The following CHRM2 variants were observed in gnomAD, a reference collection of about 807,000 sequenced individuals.
CHRM2 encodes muscarinic acetylcholine receptor M2.
CHRM2 carries 8 observed loss-of-function variants against 25.0 expected under a neutral mutation model. The ratio of observed to expected loss-of-function variants is 0.32; its 90% CI spans 0.19 to 0.58. CHRM2 has a LOEUF of 0.58. Ranked by LOEUF, CHRM2 falls within the 20% of genes least tolerant of loss-of-function variation. CHRM2 has a pLI of 0.88. For synonymous variants in CHRM2, 202 were observed against 205.7 expected (o/e 0.98, Z 0.15); for missense variants, 440 against 567.1 (o/e 0.78, Z 2.28).
intron 2 of CHRM2, among the ~76,000 whole-genome samples, chr7:136,991,577 A>G (rs1289230287): frequency 6.6e-6 from 1 of 152,126 alleles, no homozygotes; most frequent in Non-Finnish European, 1.5e-5. Context: ...GATAGGTACC[A>G]TATTGTTCCA....
intron 2 of CHRM2, among the ~76,000 whole-genome samples, chr7:136,932,351 C>T (rs1799155241): frequency 6.6e-6 from 1 of 152,194 alleles, no homozygotes. Context: ...AATGGCTTCA[C>T]TGGTGAATTC....
chr7:136,872,919 A>T (rs1463317248), intron 2 of CHRM2, among the ~76,000 whole-genome samples: 1 of 152,194 alleles, frequency 6.6e-6, no homozygotes, highest in Non-Finnish European at 1.5e-5. Flanking sequence ...CCTTTCTATT[A>T]TCTTCACAAG....
At chr7:136,940,143 A>G (rs1278203027) in intron 2 of CHRM2, among the ~76,000 whole-genome samples, 2 of 152,256 alleles carry the variant, frequency 1.3e-5, no homozygotes, top group African/African-American at 2.4e-5. Flanking sequence ...GTTAACAAGT[A>G]CATTACCTGC....
rs539286177 is a variant in CHRM2 at position 137,016,472 on chromosome 7, G to A, written c.*206G>A. 24 of 577,828 alleles carry A rather than the reference G, an allele frequency of 4.2e-5. No individual in the cohort carries two copies. The South Asian group carries it at 4.8e-4, about 11-fold the overall frequency. The allele number at this position is 577,828 out of a possible 1,614,324, so 35.8% of individuals were successfully genotyped here. A position where few individuals can be genotyped will look rare whatever the true frequency, so the allele number is the denominator to read the frequency against. On this transcript the variant is annotated 3_prime_UTR_variant, in exon 4 of 4. Transcript: ENST00000680005. ...ACCTTATAAACTGTCAGTATTAGGA[G>A]CAATGAGACAATGAAAGAAACATGT... is the stretch of plus-strand genomic sequence containing the variant.
intron 3 of CHRM2, among the ~76,000 whole-genome samples, chr7:137,014,484 G>A (rs761458054): frequency 2.0e-5 from 3 of 151,942 alleles, no homozygotes; most frequent in Non-Finnish European, 4.4e-5. Flanking sequence ...TTGTAATTTT[G>A]GTTTATTTAA....
chr7:136,944,082 A>C (rs933550363), intron 2 of CHRM2, among the ~76,000 whole-genome samples: 1 of 152,038 alleles, frequency 6.6e-6, no homozygotes, highest in Non-Finnish European at 1.5e-5. Flanking sequence ...GTTGGCTTTC[A>C]TTTCTTTATT....
chr7:136,945,453 G>A (rs1297316908), intron 2 of CHRM2, among the ~76,000 whole-genome samples: 1 of 152,078 alleles, frequency 6.6e-6, no homozygotes, highest in Non-Finnish European at 1.5e-5. Context: ...CATGTGGCTT[G>A]CCAGTTATCC....
intron 2 of CHRM2, among the ~76,000 whole-genome samples, chr7:136,927,040 C>A (rs922574986): frequency 6.9e-6 from 1 of 144,248 alleles, no homozygotes; most frequent in African/African-American, 2.4e-5. Context: ...TGTAACAGGA[C>A]GTCAGCTCCT....
intron 2 of CHRM2, among the ~76,000 whole-genome samples, chr7:136,945,789 G>A (rs1800041056): frequency 6.6e-6 from 1 of 151,986 alleles, no homozygotes; most frequent in Non-Finnish European, 1.5e-5. Context: ...TTCTTCATTT[G>A]TACTAATATT....
intron 2 of CHRM2, chr7:136,938,615 C>T (rs1760045778): frequency 3.4e-6 from 3 of 878,022 alleles, no homozygotes; most frequent in South Asian, 1.3e-5. Context: ...GCTGTCCACT[C>T]GGGAGAAGCT....
At position 136,911,452 on chromosome 7, in the gene CHRM2, T is replaced by A. The variant is rs914585183; in HGVS notation, c.-125+42034T>A. Among the ~76,000 whole-genome samples, 14 of 151,950 alleles carry A rather than the reference T, an allele frequency of 9.2e-5. 1 individual carries two copies. Among genetic ancestry groups the A allele is most frequent in the African/African-American group, 3.4e-4 (14 of 41,424 alleles). Reference sequence around the variant, plus strand: ...GGATCAGAATACATATTTAGTAACCTGCCCAGTGTCATACAACTAGTTTCT... The same window carrying A: ...GGATCAGAATACATATTTAGTAACCAGCCCAGTGTCATACAACTAGTTTCT... On this transcript the variant is annotated intron_variant, in intron 2 of 3. Transcript: ENST00000680005.
At chr7:136,940,439 TACTC>T (rs1799701132) in intron 2 of CHRM2, among the ~76,000 whole-genome samples, 2 of 152,220 alleles carry the variant, frequency 1.3e-5, no homozygotes, top group African/African-American at 4.8e-5. Context: ...TTTGGAAAGT[TACTC>T]AATCATCTTG....
chr7:137,015,597 C>A lies in CHRM2; in HGVS notation c.732C>A (p.Asn244Lys). Residue 244 changes from asparagine to lysine, a missense_variant, in exon 4 of 4, where the codon AAC (asparagine) becomes AAA (lysine). Physicochemically the swap from Asn to Lys is moderately conservative, Grantham distance 94 (BLOSUM62 0). Around this residue, in one of 5 missense-constraint regions of CHRM2, gnomAD observed 261 missense variants for 261.8 expected, o/e 1.00. Coordinates refer to ENST00000680005, the MANE Select transcript of CHRM2 (RefSeq NM_001006630.2). This position sits in a 1 kb window ranked among gnomAD's most constrained non-coding sequence, Gnocchi z 5.1. ...TACAAGGAAGGATAGTGAAGCCAAA[C>A]AATAACAACATGCCCAGCAGTGACG... ...SLVQGRIVKP[N>K]NNNMPSSDDG... The A allele has an allele frequency of 6.2e-7, 1 of 1,612,894 alleles. No individual in the cohort carries two copies. Among genetic ancestry groups the A allele is most frequent in the Non-Finnish European group, 8.5e-7 (1 of 1,179,538 alleles).
chr7:136,969,247 C>A (rs17498745), intron 2 of CHRM2, among the ~76,000 whole-genome samples: 34,113 of 152,070 alleles, frequency 0.22, 4,956 homozygotes, highest in Non-Finnish European at 0.32. Flanking sequence ...ATTAGACTTA[C>A]ACAAAGTTAG....
intron 3 of CHRM2, among the ~76,000 whole-genome samples, chr7:136,995,889 A>G (rs1263042539): frequency 6.6e-6 from 1 of 151,936 alleles, no homozygotes; most frequent in Non-Finnish European, 1.5e-5. Context: ...AAAATAAAAC[A>G]CTAATAAGTT....
chr7:136,937,698 T>G (rs189499754), intron 2 of CHRM2, among the ~76,000 whole-genome samples: 1 of 152,146 alleles, frequency 6.6e-6, no homozygotes, highest in Non-Finnish European at 1.5e-5. Flanking sequence ...TGTGCACTTA[T>G]CCAACTGGAG....
At chr7:136,955,635 G>T (rs1280778105) in intron 2 of CHRM2, among the ~76,000 whole-genome samples, 1 of 152,158 alleles carries the variant, frequency 6.6e-6, no homozygotes, top group African/African-American at 2.4e-5. Flanking sequence ...GGCACCCTTT[G>T]CCCTTCCAAG....
chr7:136,879,789 A>C (rs1318157715), intron 2 of CHRM2, among the ~76,000 whole-genome samples: 1 of 151,954 alleles, frequency 6.6e-6, no homozygotes, highest in Admixed American at 6.6e-5. Context: ...TATCTCTGTA[A>C]GAATTTACTG....
At chr7:137,002,875 C>T (rs1482961825) in intron 3 of CHRM2, among the ~76,000 whole-genome samples, 1 of 152,026 alleles carries the variant, frequency 6.6e-6, no homozygotes, top group Non-Finnish European at 1.5e-5. Context: ...GTAATAGTGA[C>T]TGCTTAACAG....
Sources: gnomAD v4.1 joint callset for allele counts (sites outside exome capture counted in the v4.1 genomes callset) on GRCh38, gnomAD v4.1.1 for gene constraint, gnomAD v4.1.1 regional missense constraint, Gnocchi (gnomAD v3.1) non-coding constraint, MANE v1.5 for transcripts, NCBI Gene and HGNC (gene_info 2026-07-23, HGNC 2026-07-21) for gene names.